JAK1: variants seen among roughly 807,000 people sequenced by gnomAD.
JAK1 encodes the protein Janus kinase 1.
In JAK1, 16 loss-of-function variants were observed where a neutral mutation model predicts 136.6. That is an observed-to-expected ratio of 0.12 (90% CI 0.08 to 0.18). JAK1 has a LOEUF of 0.18. Ranked by LOEUF, JAK1 falls within the 10% of genes least tolerant of loss-of-function variation. The pLI is 1.00. For missense variants in JAK1, 859 were observed against 1,450.1 expected (o/e 0.59, Z 6.62); for synonymous variants, 492 against 519.5 (o/e 0.95, Z 0.72).
At chr1:64,940,014 T>C (rs1180853419) in intron 1 of JAK1, among the ~76,000 whole-genome samples, 1 of 152,212 alleles carries the variant, frequency 6.6e-6, no homozygotes, top group African/African-American at 2.4e-5. Flanking sequence ...GAACATTACA[T>C]ATTGCCAAGC....
chr1:64,913,717 G>GAAGGAAGGAAGGAAAGA (rs1645339644), intron 1 of JAK1, among the ~76,000 whole-genome samples: 1 of 55,500 alleles, frequency 1.8e-5, no homozygotes, highest in African/African-American at 5.9e-5. Context: ...GGGAGGGAGG[G>GAAGGAAGGAAGGAAAGA]AGGGAGGGAG....
Position 65,058,119 on chromosome 1 carries a change from A to G in JAK1, c.-181+9485T>C, listed in dbSNP as rs576243262. Among the ~76,000 whole-genome samples, 5 of 152,196 alleles carry G rather than the reference A, an allele frequency of 3.3e-5. 1 individual carries two copies. The South Asian group carries it at 8.3e-4, about 25-fold the overall frequency. On this transcript the variant is annotated intron_variant, in intron 1 of 25. Transcript: ENST00000671954. ...CTGTTCTAATTAGGTTACCTTTCACATTTATAAAAATGGTACGAAGTTCTC... is the reference window on the plus strand; with the variant it reads ...CTGTTCTAATTAGGTTACCTTTCACGTTTATAAAAATGGTACGAAGTTCTC...
rs377186572 is a variant in JAK1 at position 64,953,988 on chromosome 1, A to G, written c.-78+12345T>C. On this transcript the variant is annotated intron_variant, in intron 1 of 24. Coordinates refer to ENST00000342505, the MANE Select transcript of JAK1 (RefSeq NM_002227.4). The stretch of plus-strand genomic sequence containing the variant: ...CCGCACTCGGCCTCAGGTCTTCTTT[A>G]TATCTAACAATACCAAATACTATAT... Among the ~76,000 whole-genome samples, 5 of 152,150 alleles carry G rather than the reference A, an allele frequency of 3.3e-5. No individual in the cohort carries two copies. The East Asian group carries it at 5.8e-4, about 18-fold the overall frequency.
chr1:65,053,048 A>G (rs953811452), intron 1 of JAK1, among the ~76,000 whole-genome samples: 8 of 148,654 alleles, frequency 5.4e-5, no homozygotes, highest in African/African-American at 1.7e-4. Flanking sequence ...AAAAAAAAAA[A>G]AAAAAAAAGA....
intron 10 of JAK1, 104 bp from the exon 11 acceptor site, chr1:64,855,802 A>G (rs1179707200): frequency 1.2e-6 from 1 of 868,556 alleles, no homozygotes; most frequent in Non-Finnish European, 1.7e-6. Context: ...ATTTTGCACC[A>G]TCTCTGTAAC....
chr1:64,871,835 G>T (rs144534263), intron 5 of JAK1, among the ~76,000 whole-genome samples: 1 of 152,282 alleles, frequency 6.6e-6, no homozygotes, highest in East Asian at 1.9e-4. Context: ...TGTATGTTTC[G>T]AGTGTACTCT....
intron 2 of JAK1, among the ~76,000 whole-genome samples, chr1:65,028,624 AT>A (rs1451846508): frequency 6.6e-6 from 1 of 152,242 alleles, no homozygotes; most frequent in African/African-American, 2.4e-5. Context: ...GAAGAGAGCA[AT>A]TAAGTCATTG....
intron 1 of JAK1, among the ~76,000 whole-genome samples, chr1:64,902,577 A>AGTGTGTGT (rs1351832703): frequency 9.9e-5 from 4 of 40,510 alleles, no homozygotes; most frequent in African/African-American, 2.8e-4. Context: ...AGAGAGAGAG[A>AGTGTGTGT]GAGAGAGTGT....
At chr1:64,976,436 C>T (rs1419604219) in intron 2 of JAK1, among the ~76,000 whole-genome samples, 4 of 152,224 alleles carry the variant, frequency 2.6e-5, no homozygotes, top group Admixed American at 6.5e-5. Flanking sequence ...ACCTTGGCTG[C>T]TCCTCTGACC....
chr1:64,837,021 C>T (rs1654524301), intron 22 of JAK1, among the ~76,000 whole-genome samples: 1 of 152,210 alleles, frequency 6.6e-6, no homozygotes, highest in Non-Finnish European at 1.5e-5. Context: ...AAATCGACTG[C>T]TCTTGTCTCA....
At position 64,879,064 on chromosome 1, in the gene JAK1, A is replaced by G. The variant is rs757725554; in HGVS notation, c.290T>C (p.Val97Ala). The G allele has an allele frequency of 1.2e-6, 2 of 1,613,958 alleles. No individual in the cohort carries two copies. The highest frequency in any genetic ancestry group is 2.2e-5 in the East Asian group (1 of 44,876). Residue 97 changes from valine to alanine, a missense_variant, in exon 4 of 25, where the codon GTT becomes GCT. Val to Ala is a moderately conservative substitution (Grantham distance 64). Transcript: ENST00000342505. ...GAGCCGGAGGGACATCTTGTCATCA[A>G]CGGTGATGGTGCGATTTGGAGCATA... ...LWYAPNRTIT[V>A]DDKMSLRLHY...
At chr1:64,951,939 G>C (rs531316945) in intron 1 of JAK1, among the ~76,000 whole-genome samples, 4 of 152,106 alleles carry the variant, frequency 2.6e-5, no homozygotes, top group Admixed American at 1.3e-4. Context: ...TTACAGGCGT[G>C]AGCCACCGCG....
chr1:64,947,835 A>G (rs1485125361), intron 1 of JAK1, among the ~76,000 whole-genome samples: 1 of 152,010 alleles, frequency 6.6e-6, no homozygotes, highest in African/African-American at 2.4e-5. Flanking sequence ...CAGCTGGGCC[A>G]GAATACTCTT....
At chr1:64,954,264 G>A (rs1646143074) in intron 1 of JAK1, among the ~76,000 whole-genome samples, 1 of 152,112 alleles carries the variant, frequency 6.6e-6, no homozygotes, top group East Asian at 1.9e-4. Flanking sequence ...CTGCTCATCT[G>A]GAAAATGATG....
chr1:65,050,952 G>A (rs1283501658), intron 1 of JAK1, among the ~76,000 whole-genome samples: 1 of 152,136 alleles, frequency 6.6e-6, no homozygotes, highest in Non-Finnish European at 1.5e-5. Flanking sequence ...TTTCAATGAG[G>A]ATGAAATGAG....
At chr1:64,859,639 TTC>T (rs1656166409) in intron 9 of JAK1, 1 of 152,332 alleles carries the variant, frequency 6.6e-6, no homozygotes, top group Non-Finnish European at 1.5e-5. Flanking sequence ...TTTCTTTTTC[TTC>T]TTTTATATAT....
chr1:64,907,421 G>A (rs1019185393), intron 1 of JAK1, among the ~76,000 whole-genome samples: 12 of 152,086 alleles, frequency 7.9e-5, no homozygotes, highest in Admixed American at 2.0e-4. Context: ...TGCTGGACCC[G>A]TTAAAGGCTC....
intron 1 of JAK1, among the ~76,000 whole-genome samples, chr1:64,912,047 A>C (rs561969321): frequency 6.6e-6 from 1 of 152,364 alleles, no homozygotes; most frequent in African/African-American, 2.4e-5. Flanking sequence ...AATGCTTTAC[A>C]GAATTATTAG....
chr1:64,864,806 T>A lies in JAK1; in HGVS notation c.1157A>T (p.Lys386Met). The A allele has an allele frequency of 1.9e-6, 3 of 1,611,676 alleles. No homozygotes were observed. Among genetic ancestry groups the A allele is most frequent in the Non-Finnish European group, 2.5e-6 (3 of 1,179,286 alleles). ...ACTTACCATTTTCTTGTTGTCCTGC[T>A]TGTTAATGCTGACCACAGACTCCTT... ...VIKESVVSIN[K>M]QDNKKMELKL... Residue 386 changes from lysine (K) to methionine (M), a missense_variant, in exon 8 of 25, where the codon AAG becomes ATG. By Grantham distance (95) the Lys-to-Met change is moderately conservative. Coordinates refer to ENST00000342505, the MANE Select transcript of JAK1 (RefSeq NM_002227.4).
Sources: gnomAD v4.1 joint callset for allele counts (sites outside exome capture counted in the v4.1 genomes callset) on GRCh38, gnomAD v4.1.1 for gene constraint, MANE v1.5 for transcripts, NCBI Gene and HGNC (gene_info 2026-07-23, HGNC 2026-07-21) for gene names.